The following EYS variants were observed in gnomAD, a reference collection of about 807,000 sequenced individuals.
EYS encodes the protein protein eyes shut homolog.
A neutral mutation model predicts 282.1 loss-of-function variants in EYS; 250 were observed. The observed-to-expected ratio is 0.89, with a 90% CI of 0.80 to 0.98. EYS has a LOEUF of 0.98. Among genes scored for constraint, EYS ranks in the 50% least tolerant of loss-of-function variants. The pLI is 0.00. For synonymous variants in EYS, 1,355 were observed against 1,282.9 expected (o/e 1.06, Z -1.20); for missense variants, 4,016 against 3,709.0 (o/e 1.08, Z -2.15).
chr6:64,866,196 T>A lies in EYS; in HGVS notation c.2992+20501A>T, dbSNP rs186895117. Among the ~76,000 whole-genome samples the A allele has an allele frequency of 5.0e-4, 76 of 152,098 alleles. 1 individual carries two copies. Among genetic ancestry groups the A allele is most frequent in the African/African-American group, 1.8e-3 (73 of 41,570 alleles). On this transcript the variant is annotated intron_variant, in intron 19 of 42. Transcript: ENST00000503581. ...AATCTGTCTGGAGAGATGATAAAAG[T>A]TAAATCTTTATCATGATTATTTGGA... is the stretch of plus-strand genomic sequence containing the variant.
chr6:64,646,893 G>A (rs1390603891), intron 22 of EYS, among the ~76,000 whole-genome samples: 2 of 151,992 alleles, frequency 1.3e-5, no homozygotes, highest in African/African-American at 4.8e-5. Flanking sequence ...CATGGGATGA[G>A]GTCTTGGAGT....
At chr6:64,070,537 GA>G (rs1771536259) in intron 32 of EYS, among the ~76,000 whole-genome samples, 1 of 151,884 alleles carries the variant, frequency 6.6e-6, no homozygotes, top group South Asian at 2.1e-4. Context: ...TACTTTTTCA[GA>G]AAATAGCTGC....
At chr6:64,113,771 T>C (rs113147423) in intron 31 of EYS, among the ~76,000 whole-genome samples, 6,414 of 152,172 alleles carry the variant, frequency 0.042, 395 homozygotes, top group African/African-American at 0.14. Context: ...ATAATGGCTA[T>C]ATTCTTTTAT....
intron 11 of EYS, chr6:65,331,186 T>C: frequency 1.2e-6 from 1 of 838,474 alleles, no homozygotes; most frequent in South Asian, 5.5e-5. Context: ...CTAAAATAAC[T>C]TGCAATATTT....
intron 2 of EYS, among the ~76,000 whole-genome samples, chr6:65,554,743 C>A (rs1768730058): frequency 6.6e-6 from 1 of 152,080 alleles, no homozygotes; most frequent in African/African-American, 2.4e-5. Context: ...TGAATGACGG[C>A]CTTCTGTTCC....
At chr6:65,288,852 A>G (rs759127530) in intron 12 of EYS, among the ~76,000 whole-genome samples, 12 of 151,330 alleles carry the variant, frequency 7.9e-5, no homozygotes, top group Middle Eastern at 6.8e-3. Flanking sequence ...AACGTGTAAC[A>G]AGTACCAATT....
At chr6:64,056,371 A>G (rs9689066) in intron 33 of EYS, among the ~76,000 whole-genome samples, 1,543 of 152,310 alleles carry the variant, frequency 0.01, 23 homozygotes, top group African/African-American at 0.035. Flanking sequence ...CATGTGTGCC[A>G]AGTATCAGAT....
At chr6:63,908,552 G>A (rs1773840757) in intron 35 of EYS, among the ~76,000 whole-genome samples, 1 of 152,056 alleles carries the variant, frequency 6.6e-6, no homozygotes, top group South Asian at 2.1e-4. Flanking sequence ...CCGGGTTCAA[G>A]TGATTCTCCT....
intron 37 of EYS, among the ~76,000 whole-genome samples, chr6:63,794,932 TAAG>T (rs948847607): frequency 6.6e-6 from 1 of 152,152 alleles, no homozygotes; most frequent in Non-Finnish European, 1.5e-5. Flanking sequence ...GAGCTGGTGC[TAAG>T]AAGAAAGGAC....
chr6:64,770,772 T>C (rs1286260092), intron 22 of EYS, among the ~76,000 whole-genome samples: 1 of 151,894 alleles, frequency 6.6e-6, no homozygotes, highest in East Asian at 1.9e-4. Flanking sequence ...GCTTTTGCAT[T>C]TACAAACCGA....
chr6:63,998,560 C>A (rs779835802), intron 34 of EYS, among the ~76,000 whole-genome samples: 7 of 152,106 alleles, frequency 4.6e-5, no homozygotes, highest in Non-Finnish European at 1.0e-4. Context: ...CCAACCACAT[C>A]ATTAAAACAG....
At chr6:64,817,579 G>A (rs1433502817) in intron 21 of EYS, among the ~76,000 whole-genome samples, 1 of 152,022 alleles carries the variant, frequency 6.6e-6, no homozygotes, top group African/African-American at 2.4e-5. Flanking sequence ...CATAAAATAG[G>A]TCATTTTTTC....
chr6:65,649,110 C>T (rs2149817457), intron 1 of EYS, among the ~76,000 whole-genome samples: 1 of 143,272 alleles, frequency 7.0e-6, no homozygotes, highest in South Asian at 2.2e-4. Flanking sequence ...TGCACTCCAG[C>T]CTGTGCGACA....
At chr6:65,673,123 T>A (rs1046259835) in intron 1 of EYS, among the ~76,000 whole-genome samples, 16 of 152,158 alleles carry the variant, frequency 1.1e-4, no homozygotes, top group African/African-American at 3.9e-4. Context: ...GGGGATATGA[T>A]GGCTTAGCTC....
intron 35 of EYS, among the ~76,000 whole-genome samples, chr6:63,978,847 C>CA (rs1299347598): frequency 1.3e-5 from 2 of 151,546 alleles, no homozygotes; most frequent in African/African-American, 2.4e-5. Flanking sequence ...TCAGTAATCA[C>CA]AAAAAAACTG....
intron 12 of EYS, among the ~76,000 whole-genome samples, chr6:65,148,942 C>G (rs1764547278): frequency 6.6e-6 from 1 of 152,060 alleles, no homozygotes; most frequent in South Asian, 2.1e-4. Context: ...GGAGATGAAG[C>G]TGCTGGGATG....
intron 1 of EYS, among the ~76,000 whole-genome samples, chr6:65,684,433 TAG>T (rs1446808596): frequency 6.6e-6 from 1 of 152,002 alleles, no homozygotes; most frequent in Non-Finnish European, 1.5e-5. Flanking sequence ...CAAAAGAATG[TAG>T]AGAGGACACC....
intron 2 of EYS, among the ~76,000 whole-genome samples, chr6:65,516,674 C>G (rs913325783): frequency 6.6e-6 from 1 of 152,032 alleles, no homozygotes; most frequent in Non-Finnish European, 1.5e-5. Context: ...TTTTAATCTA[C>G]AGTCTTCGAA....
intron 12 of EYS, among the ~76,000 whole-genome samples, chr6:65,093,292 A>C (rs1774627934): frequency 6.6e-6 from 1 of 152,020 alleles, no homozygotes; most frequent in Non-Finnish European, 1.5e-5. Flanking sequence ...GAAATGCTAA[A>C]AGGAATTCTG....
Sources: gnomAD v4.1 joint callset for allele counts (sites outside exome capture counted in the v4.1 genomes callset) on GRCh38, gnomAD v4.1.1 for gene constraint, MANE v1.5 for transcripts, NCBI Gene and HGNC (gene_info 2026-07-23, HGNC 2026-07-21) for gene names.